Variants in TPST1 observed in about 807,000 individuals in gnomAD.
The protein encoded by TPST1 is tyrosylprotein sulfotransferase 1, also known as protein-tyrosine sulfotransferase 1.
Under a neutral mutation model 34.8 loss-of-function variants are expected in TPST1, and 20 were observed. The ratio of observed to expected loss-of-function variants is 0.57; its 90% CI spans 0.40 to 0.84. The LOEUF (loss-of-function observed/expected upper bound fraction) is 0.84, where lower values mean the gene tolerates loss of function less well. Among genes scored for constraint, TPST1 ranks in the 40% least tolerant of loss-of-function variants. TPST1 has a pLI of 0.00. For missense variants in TPST1, 353 were observed against 455.5 expected (o/e 0.78, Z 2.05); for synonymous variants, 152 against 159.4 (o/e 0.95, Z 0.35).
chr7:66,322,477 A>C (rs1308758369), intron 3 of TPST1, among the ~76,000 whole-genome samples: 3 of 152,214 alleles, frequency 2.0e-5, no homozygotes, highest in Non-Finnish European at 4.4e-5. Context: ...CTCATGTGGC[A>C]TCAAATAGTA....
chr7:66,240,471 A>G lies in TPST1; in HGVS notation c.46A>G (p.Ile16Val). Residue 16 changes from isoleucine (I) to valine (V), a missense_variant, in exon 2 of 6, where the codon ATT becomes GTT. Physicochemically the swap from Ile to Val is conservative, Grantham distance 29. Transcript: ENST00000304842. ...KQNLLLACLV[I>V]SSVTVFYLGQ... Reference sequence around the variant, plus strand: ...GAACTTACTATTGGCATGTCTGGTGATTAGTTCTGTGACTGTGTTTTACCT... The same window carrying G: ...GAACTTACTATTGGCATGTCTGGTGGTTAGTTCTGTGACTGTGTTTTACCT... 1.2e-6 allele frequency: 2 copies of G among 1,614,176 alleles called. No homozygotes were observed. The highest frequency in any genetic ancestry group is 1.3e-5 in the African/African-American group (1 of 75,044).
At chr7:66,345,922 T>C (rs1792342709) in intron 3 of TPST1, among the ~76,000 whole-genome samples, 1 of 152,156 alleles carries the variant, frequency 6.6e-6, no homozygotes, top group Non-Finnish European at 1.5e-5. Flanking sequence ...ATTTTATTCC[T>C]TCTATCTAAT....
chr7:66,252,869 T>G (rs1790296807), intron 2 of TPST1, among the ~76,000 whole-genome samples: 1 of 152,206 alleles, frequency 6.6e-6, no homozygotes, highest in Admixed American at 6.5e-5. Flanking sequence ...TAATCTGGAA[T>G]TTATTAATCA....
At chr7:66,273,749 A>G (rs1260742528) in intron 2 of TPST1, among the ~76,000 whole-genome samples, 3 of 152,072 alleles carry the variant, frequency 2.0e-5, no homozygotes, top group African/African-American at 7.2e-5. Context: ...CTTACCTCAC[A>G]TCATATACAA....
At chr7:66,210,908 G>T (rs1210156233) in intron 1 of TPST1, among the ~76,000 whole-genome samples, 1 of 152,102 alleles carries the variant, frequency 6.6e-6, no homozygotes, top group African/African-American at 2.4e-5. Flanking sequence ...GTTTGAGGCT[G>T]CAGTGAGCTA....
At chr7:66,254,343 T>C (rs1283618630) in intron 2 of TPST1, among the ~76,000 whole-genome samples, 2 of 152,192 alleles carry the variant, frequency 1.3e-5, no homozygotes, top group African/African-American at 2.4e-5. Flanking sequence ...GATAAGTTTA[T>C]TATTCAGTAC....
intron 2 of TPST1, among the ~76,000 whole-genome samples, chr7:66,275,510 G>A (rs554285358): frequency 3.3e-5 from 5 of 152,218 alleles, no homozygotes; most frequent in East Asian, 1.9e-4. Flanking sequence ...AAGAAAATGC[G>A]GCATACATAC....
At chr7:66,294,410 T>A (rs554640705) in intron 3 of TPST1, among the ~76,000 whole-genome samples, 1 of 152,306 alleles carries the variant, frequency 6.6e-6, no homozygotes, top group East Asian at 1.9e-4. Flanking sequence ...ATAACTTTAA[T>A]TGACAAATTT....
chr7:66,256,261 C>G (rs1351011908), intron 2 of TPST1, among the ~76,000 whole-genome samples: 1 of 152,080 alleles, frequency 6.6e-6, no homozygotes, highest in Non-Finnish European at 1.5e-5. Context: ...AATTTCTCTT[C>G]TATTTCTAGT....
chr7:66,244,088 A>G (rs1161004660), intron 2 of TPST1, among the ~76,000 whole-genome samples: 3 of 151,568 alleles, frequency 2.0e-5, no homozygotes, highest in Admixed American at 6.6e-5. Context: ...AGGTGGGACT[A>G]TAGGTGCCCC....
intron 2 of TPST1, among the ~76,000 whole-genome samples, chr7:66,271,567 C>T (rs1790705891): frequency 6.6e-6 from 1 of 152,166 alleles, no homozygotes; most frequent in Non-Finnish European, 1.5e-5. Flanking sequence ...CCATCCTACT[C>T]TGCTTTGATG....
intron 3 of TPST1, among the ~76,000 whole-genome samples, chr7:66,294,794 A>G (rs919000361): frequency 1.4e-4 from 22 of 152,152 alleles, no homozygotes; most frequent in African/African-American, 5.1e-4. Flanking sequence ...CCTCTGCATT[A>G]TGTTAAACAA....
chr7:66,223,392 G>A (rs1231798397), intron 1 of TPST1, among the ~76,000 whole-genome samples: 1 of 146,606 alleles, frequency 6.8e-6, no homozygotes, highest in Non-Finnish European at 1.5e-5. Context: ...GAGCCCAGGA[G>A]TTGGAGGCTG....
At chr7:66,354,881 T>C (rs780801363) in intron 4 of TPST1, among the ~76,000 whole-genome samples, 8 of 152,006 alleles carry the variant, frequency 5.3e-5, no homozygotes, top group Non-Finnish European at 1.0e-4. Context: ...TAGTCCCAGC[T>C]ACTTGGGAGG....
In TPST1 at chr7:66,295,597, G is replaced by T. The variant is rs186645379; in HGVS notation, c.1044+8888G>T. ...TTTGTTGGTTTTAATAGATTTCATT[G>T]ATTAATGTAATTGAACATTTTCCAG... On this transcript the variant is annotated intron_variant, in intron 3 of 5. Transcript: ENST00000304842. Among the ~76,000 whole-genome samples, 19 of 152,250 alleles carry T rather than the reference G, an allele frequency of 1.2e-4. No homozygotes were observed. The East Asian group carries it at 2.5e-3, about 20-fold the overall frequency.
At chr7:66,213,009 T>G (rs1328806685) in intron 1 of TPST1, among the ~76,000 whole-genome samples, 1 of 152,192 alleles carries the variant, frequency 6.6e-6, no homozygotes, top group Non-Finnish European at 1.5e-5. Flanking sequence ...TCTTTAGTTT[T>G]CAGAAGTTAA....
At position 66,240,985 on chromosome 7, in the gene TPST1, G is replaced by C; in HGVS notation, c.560G>C (p.Arg187Pro). ...TTTCTCCTGATGGTCCGAGATGGCC[G>C]GGCATCAGTACATTCAATGATTTCT... Reference protein sequence around the residue: ...AKFLLMVRDGRASVHSMISRK... With the variant: ...AKFLLMVRDGPASVHSMISRK... Residue 187 changes from arginine to proline, a missense_variant, in exon 2 of 6, where the codon CGG becomes CCG. Coordinates refer to ENST00000304842, the MANE Select transcript of TPST1 (RefSeq NM_003596.4). 3 of 1,614,104 alleles carry C rather than the reference G, an allele frequency of 1.9e-6. No individual in the cohort carries two copies. The highest frequency in any genetic ancestry group is 1.7e-6 in the Non-Finnish European group (2 of 1,180,014).
At chr7:66,217,003 CT>C (rs1038990918) in intron 1 of TPST1, among the ~76,000 whole-genome samples, 4 of 151,386 alleles carry the variant, frequency 2.6e-5, no homozygotes, top group East Asian at 1.9e-4. Context: ...ATTTCCCAAA[CT>C]TTTTTTTTGG....
chr7:66,349,946 G>GCTCCCAGGGCTTAGACACTTCCCAC (rs1332736771), intron 3 of TPST1, among the ~76,000 whole-genome samples: 2 of 152,210 alleles, frequency 1.3e-5, no homozygotes, highest in African/African-American at 4.8e-5. Flanking sequence ...ATGATACACA[G>GCTCCCAGGGCTTAGACACTTCCCAC]CTCCCAGGGC....
Sources: allele counts gnomAD v4.1 joint callset (sites outside exome capture counted in the v4.1 genomes callset), GRCh38; gene constraint gnomAD v4.1.1; transcripts MANE v1.5; gene names NCBI Gene and HGNC (gene_info 2026-07-23, HGNC 2026-07-21).